The following KIAA1549 variants were observed in gnomAD, a reference collection of about 807,000 sequenced individuals.
KIAA1549 encodes the protein UPF0606 protein KIAA1549.
Under a neutral mutation model 156.4 loss-of-function variants are expected in KIAA1549, and 70 were observed. The observed-to-expected ratio is 0.45, with a 90% confidence interval of 0.37 to 0.55. The LOEUF (loss-of-function observed/expected upper bound fraction) is 0.55. Among genes scored for constraint, KIAA1549 ranks in the 20% least tolerant of loss-of-function variants. The pLI, the probability that KIAA1549 is intolerant of heterozygous loss-of-function variation, is 0.00. For missense variants in KIAA1549, 2,428 were observed against 2,540.9 expected, an observed-to-expected ratio of 0.96 and a Z score of 0.96; for synonymous variants, 1,103 against 1,066.4, an observed-to-expected ratio of 1.03 and a Z score of -0.67.
chr7:138,869,865 T>A, intron 13 of KIAA1549, 104 bp from the exon 14 acceptor site: 3 of 849,832 alleles, frequency 3.5e-6, no homozygotes, highest in Non-Finnish European at 5.3e-6. Flanking sequence ...TATTTATTTA[T>A]TTGAGACAGA....
At chr7:138,940,286 T>C (rs1339693710) in intron 1 of KIAA1549, among the ~76,000 whole-genome samples, 94 of 151,826 alleles carry the variant, frequency 6.2e-4, no homozygotes, top group Non-Finnish European at 5.9e-5. Context: ...GTCCTTGTGA[T>C]AGTTTGCTGA....
At position 138,900,019 on chromosome 7, in the gene KIAA1549, C is replaced by T. The variant is rs760163995; in HGVS notation, c.3670-887G>A. On this transcript the variant is annotated intron_variant, in intron 8 of 19. Transcript: ENST00000422774. ...GCTTCTGTCCTGAGAAAAGGATCAG[C>T]GAGGGCTCCGAGCTCCTTATTTTAC... 2.0e-5 allele frequency among the ~76,000 whole-genome samples: 3 copies of T among 152,180 alleles called. No individual in the cohort carries two copies. The East Asian group carries it at 5.8e-4, about 29-fold the overall frequency.
chr7:138,937,210 ACCCCAGAACC>A (rs1813041502), intron 1 of KIAA1549, among the ~76,000 whole-genome samples: 1 of 148,926 alleles, frequency 6.7e-6, no homozygotes. Flanking sequence ...TAACTATCAC[ACCCCAGAACC>A]CCCTTTTCCA....
Position 138,916,912 on chromosome 7 carries a change from G to T in KIAA1549, c.2714C>A (p.Ala905Glu), listed in dbSNP as rs761386221. Residue 905 changes from alanine (A) to glutamate (E), a missense_variant, in exon 2 of 20, where the codon GCA becomes GAA. Ala to Glu is a moderately radical substitution (Grantham distance 107). Transcript: ENST00000422774. ...ACTACTCTCTGGGGGGCTCTGACTTGCGGCGTCACCCATCAGGGTGGAGTC... is the reference window on the plus strand; with the variant it reads ...ACTACTCTCTGGGGGGCTCTGACTTTCGGCGTCACCCATCAGGGTGGAGTC... The part of the protein sequence containing the change: ...PLDSTLMGDA[A>E]SQSPPESSAA... 5 of 1,613,322 alleles carry T rather than the reference G, an allele frequency of 3.1e-6. No homozygotes were observed. Among genetic ancestry groups the T allele is most frequent in the Non-Finnish European group, 4.2e-6 (5 of 1,179,570 alleles).
At chr7:138,936,252 A>C (rs1166734343) in intron 1 of KIAA1549, among the ~76,000 whole-genome samples, 1 of 152,182 alleles carries the variant, frequency 6.6e-6, no homozygotes, top group African/African-American at 2.4e-5. Context: ...AGGTGATTCT[A>C]AGTCACAGTT....
chr7:138,908,903 A>AT, intron 5 of KIAA1549, 88 bp downstream of exon 5: 1 of 1,508,562 alleles, frequency 6.6e-7, no homozygotes, highest in African/African-American at 1.4e-5. Context: ...ACTGGAGGGA[A>AT]TAAGAGTTAA....
chr7:138,931,752 CAA>C (rs71169066), intron 1 of KIAA1549, among the ~76,000 whole-genome samples: 6 of 101,380 alleles, frequency 5.9e-5, no homozygotes, highest in Admixed American at 1.1e-4. Context: ...AGTCCCATCT[CAA>C]AAAAAAAAAA....
rs1332593697 is a variant in KIAA1549, at chr7:138,980,956, C to T, written c.187+127G>A. 7.9e-6 allele frequency: 7 copies of T among 888,896 alleles called. No homozygotes were observed. The East Asian group carries it at 2.9e-4, about 36-fold the overall frequency. The allele number at this position is 888,896 out of a possible 1,614,324, so 55.1% of individuals were successfully genotyped here. The stretch of plus-strand genomic sequence containing the variant: ...CCCCAGAAGAATGGCAAAGCATCTT[C>T]CAGAAAGGACGGCGAGGGAGCTGGA... On this transcript the variant is annotated intron_variant, in intron 1 of 19. Coordinates refer to ENST00000422774, the MANE Select transcript of KIAA1549 (RefSeq NM_001164665.2).
At chr7:138,871,134 GA>G (rs765381114) in intron 13 of KIAA1549, 22 bp downstream of exon 13, 1 of 1,604,052 alleles carries the variant, frequency 6.2e-7, no homozygotes, top group South Asian at 1.1e-5. Context: ...TTAAGTAACA[GA>G]CTTTTAAATA....
At chr7:138,951,842 A>C (rs949982981) in intron 1 of KIAA1549, among the ~76,000 whole-genome samples, 5 of 152,230 alleles carry the variant, frequency 3.3e-5, no homozygotes, top group Non-Finnish European at 2.9e-5. Context: ...AGCACTTCAT[A>C]AATGACCATT....
At chr7:138,892,554 CA>C (rs1811573235) in intron 10 of KIAA1549, among the ~76,000 whole-genome samples, 1 of 152,102 alleles carries the variant, frequency 6.6e-6, no homozygotes, top group African/African-American at 2.4e-5. Context: ...ACAAGAACAA[CA>C]AAAGAACCTT....
intron 10 of KIAA1549, among the ~76,000 whole-genome samples, chr7:138,893,352 T>TA (rs1191870004): frequency 6.6e-6 from 1 of 151,630 alleles, no homozygotes; most frequent in African/African-American, 2.4e-5. Context: ...TGCATTCAGG[T>TA]AGCTTTGCTC....
chr7:138,959,932 G>A (rs897840237), intron 1 of KIAA1549, among the ~76,000 whole-genome samples: 15 of 152,226 alleles, frequency 9.9e-5, no homozygotes, highest in Admixed American at 7.9e-4. Flanking sequence ...CAGGACTGGA[G>A]AGCAAAAGAG....
intron 1 of KIAA1549, among the ~76,000 whole-genome samples, chr7:138,943,218 C>A (rs566868479): frequency 6.6e-6 from 1 of 152,306 alleles, no homozygotes; most frequent in East Asian, 1.9e-4. Context: ...ACGAGTCCCC[C>A]TCGAGTCCCA....
chr7:138,963,578 G>T (rs1584788206), intron 1 of KIAA1549, among the ~76,000 whole-genome samples: 1 of 152,138 alleles, frequency 6.6e-6, no homozygotes, highest in African/African-American at 2.4e-5. Context: ...ACCAGATCTA[G>T]GCAAGAACTC....
intron 10 of KIAA1549, among the ~76,000 whole-genome samples, chr7:138,891,723 G>A (rs1046208967): frequency 2.6e-5 from 4 of 152,126 alleles, no homozygotes; most frequent in African/African-American, 7.2e-5. Flanking sequence ...CGAGAGTATG[G>A]TGAGGCGCAT....
At chr7:138,850,522 A>G (rs555384745) in intron 17 of KIAA1549, among the ~76,000 whole-genome samples, 52 of 152,216 alleles carry the variant, frequency 3.4e-4, no homozygotes, top group African/African-American at 1.2e-3. Context: ...TCCTTTGCCC[A>G]CTTTTTAATG....
Position 138,918,917 on chromosome 7 carries a change from G to A in KIAA1549, c.709C>T (p.Arg237Cys), listed in dbSNP as rs376519473. ...GTTGGAACGATGCCCTCAGAGGTGC[G>A]AAAAGCTGACCGAAAGGTGTGGAAA... ...SHFHTFRSAF[R>C]TSEGIVPTPG... The change falls in exon 2 of 20, where the codon CGC becomes TGC. Residue 237 changes from arginine to cysteine, a missense_variant. This residue lies in a region of KIAA1549 where 893 missense variants were observed against 847.9 expected (regional missense o/e 1.05). Transcript: ENST00000422774. This position sits in a 1 kb window ranked among gnomAD's most constrained non-coding sequence, Gnocchi z 4.2. The A allele has an allele frequency of 2.5e-5, 40 of 1,614,046 alleles. No homozygotes were observed. Among genetic ancestry groups the A allele is most frequent in the African/African-American group, 6.7e-5 (5 of 75,072 alleles).
chr7:138,878,512 G>C (rs753528426), intron 12 of KIAA1549, among the ~76,000 whole-genome samples: 21 of 152,194 alleles, frequency 1.4e-4, no homozygotes, highest in Non-Finnish European at 2.8e-4. Flanking sequence ...TATAATCCCA[G>C]CACTTTGGGA....
Sources: gnomAD v4.1 joint callset for allele counts (sites outside exome capture counted in the v4.1 genomes callset) on GRCh38, gnomAD v4.1.1 for gene constraint, gnomAD v4.1.1 regional missense constraint, Gnocchi (gnomAD v3.1) non-coding constraint, MANE v1.5 for transcripts, NCBI Gene and HGNC (gene_info 2026-07-23, HGNC 2026-07-21) for gene names.